The following KRTAP10-8 variants were observed in gnomAD, a reference collection of about 807,000 sequenced individuals.
KRTAP10-8 encodes keratin associated protein 10-8, also known as keratin-associated protein 10-8.
For synonymous variants in KRTAP10-8, 153 were observed against 139.5 expected, an observed-to-expected ratio of 1.10 and a Z score of -0.68; for missense variants, 323 against 329.3, an observed-to-expected ratio of 0.98 and a Z score of 0.15.
chr21:44,612,185 C>T, the KRTAP10-8 span: 58 of 1,613,890 alleles, frequency 3.6e-5, no homozygotes, highest in African/African-American at 4.8e-4. This position sits in a 1 kb window ranked among gnomAD's most constrained non-coding sequence, Gnocchi z 4.1. Flanking sequence ...CCATGTCAGC[C>T]GAGTCTCCTC....
In KRTAP10-8 at chr21:44,612,613, CAAGCCCATCTGCTGT is replaced by C. The variant is rs1981780567; in HGVS notation, c.514_528del (p.Lys172_Cys176del). ...AGGCCTGCTGTGTGCCCATCTGCTG[CAAGCCCATCTGCTGT>C]GTGCCTGTCTGCTCTGGGGCTTCCT... is the stretch of plus-strand genomic sequence containing the variant. On this transcript the variant is annotated inframe_deletion, in exon 1 of 1. Coordinates refer to ENST00000334662, the MANE Select transcript of KRTAP10-8 (RefSeq NM_198695.2). The surrounding 1 kb of genome is among the most constrained non-coding windows in gnomAD (Gnocchi z 4.1). 3 of 1,614,106 alleles carry C rather than the reference CAAGCCCATCTGCTGT, an allele frequency of 1.9e-6. No individual in the cohort carries two copies. Among genetic ancestry groups the C allele is most frequent in the Non-Finnish European group, 2.5e-6 (3 of 1,179,994 alleles).
chr21:44,612,195 C>T lies in KRTAP10-8; in HGVS notation c.95C>T (p.Ser32Phe). The T allele has an allele frequency of 5.0e-6, 8 of 1,613,586 alleles. No individual in the cohort carries two copies. Among genetic ancestry groups the T allele is most frequent in the Non-Finnish European group, 6.8e-6 (8 of 1,179,708 alleles). The change falls in exon 1 of 1, where the codon TCC becomes TTC. Residue 32 changes from serine (S) to phenylalanine (F), a missense_variant. Transcript: ENST00000334662. This position sits in a 1 kb window ranked among gnomAD's most constrained non-coding sequence, Gnocchi z 4.1. ...GTGGGCCATGTCAGCCGAGTCTCCTCCCCCAGCACCTGCACTGGCTCCTCC... is the reference window on the plus strand; with the variant it reads ...GTGGGCCATGTCAGCCGAGTCTCCTTCCCCAGCACCTGCACTGGCTCCTCC... ...SDVGHVSRVS[S>F]PSTCTGSSWQ...
the KRTAP10-8 span, chr21:44,612,554 C>T: frequency 6.2e-7 from 1 of 1,613,926 alleles, no homozygotes; most frequent in African/African-American, 1.3e-5. The surrounding 1 kb of genome is among the most constrained non-coding windows in gnomAD (Gnocchi z 4.1). Flanking sequence ...GTCTAGCTGC[C>T]AGTCAGCTTG....
Position 44,612,932 on chromosome 21 carries a change from C to G in KRTAP10-8, c.*52C>G. ...CTGCTGATGGGCACGTCCCCCAGGG[C>G]CAGCCGGCTCCGGTCCTGTCCTGGG... is the stretch of plus-strand genomic sequence containing the variant. On this transcript the variant is annotated 3_prime_UTR_variant, in exon 1 of 1. Coordinates refer to ENST00000334662, the MANE Select transcript of KRTAP10-8 (RefSeq NM_198695.2). The surrounding 1 kb of genome is among the most constrained non-coding windows in gnomAD (Gnocchi z 4.1). 6.3e-7 allele frequency: 1 copy of G among 1,594,870 alleles called. No individual in the cohort carries two copies. The highest frequency in any genetic ancestry group is 8.5e-7 in the Non-Finnish European group (1 of 1,173,290).
chr21:44,612,472 C>T lies in KRTAP10-8; in HGVS notation c.372C>T (p.Cys124=), dbSNP rs782188086. Residue 124 remains cysteine, a synonymous_variant, in exon 1 of 1, where the codon TGC becomes TGT. Transcript: ENST00000334662. This position sits in a 1 kb window ranked among gnomAD's most constrained non-coding sequence, Gnocchi z 4.1. The part of the protein sequence containing the change: ...CQQACCVPVC[C]KSNCCKPVCC... ...AGGCCTGCTGTGTGCCTGTGTGCTG[C>T]AAGTCCAACTGCTGCAAGCCCGTGT... 1.2e-6 allele frequency: 2 copies of T among 1,610,122 alleles called. No homozygotes were observed. The highest frequency in any genetic ancestry group is 8.5e-7 in the Non-Finnish European group (1 of 1,177,120).
At chr21:44,612,305 G>GC in the KRTAP10-8 span, 1 of 1,613,378 alleles carries the variant, frequency 6.2e-7, no homozygotes, top group Non-Finnish European at 8.5e-7. This position sits in a 1 kb window ranked among gnomAD's most constrained non-coding sequence, Gnocchi z 4.1. Context: ...CTGTGCCCCA[G>GC]CCCCCTGCCT....
In KRTAP10-8 at chr21:44,612,493, C is replaced by T. The variant is rs587687321; in HGVS notation, c.393C>T (p.Pro131=). ...PVCCKSNCCK[P]VCCVSICSGA... ...GCTGCAAGTCCAACTGCTGCAAGCCCGTGTGCTGCGTGTCCATCTGCTCTG... is the reference window on the plus strand; with the variant it reads ...GCTGCAAGTCCAACTGCTGCAAGCCTGTGTGCTGCGTGTCCATCTGCTCTG... Residue 131 remains proline (P), a synonymous_variant, in exon 1 of 1, where the codon CCC becomes CCT. Coordinates refer to ENST00000334662, the MANE Select transcript of KRTAP10-8 (RefSeq NM_198695.2). The surrounding 1 kb of genome is among the most constrained non-coding windows in gnomAD (Gnocchi z 4.1). 75 of 1,609,460 alleles carry T rather than the reference C, an allele frequency of 4.7e-5. No individual in the cohort carries two copies. Among genetic ancestry groups the T allele is most frequent in the African/African-American group, 2.6e-4 (19 of 74,394 alleles).
Position 44,612,312 on chromosome 21 carries a change from G to C in KRTAP10-8, c.212G>C (p.Cys71Ser), listed in dbSNP as rs1555931251. Residue 71 changes from cysteine (C) to serine (S), a missense_variant, in exon 1 of 1, where the codon TGC becomes TCC. Cys to Ser is a moderately radical substitution (Grantham distance 112). Transcript: ENST00000334662. This position sits in a 1 kb window ranked among gnomAD's most constrained non-coding sequence, Gnocchi z 4.1. ...CTPSCCAPAP[C>S]LALVCAPVSC... The stretch of plus-strand genomic sequence containing the variant: ...CCTAGCTGCTGTGCCCCAGCCCCCT[G>C]CCTGGCCCTGGTCTGTGCCCCAGTG... 1.2e-6 allele frequency: 2 copies of C among 1,613,614 alleles called. No homozygotes were observed. Among genetic ancestry groups the C allele is most frequent in the Admixed American group, 3.3e-5 (2 of 60,020 alleles).
In KRTAP10-8 at chr21:44,612,420, C is replaced by A; in HGVS notation, c.320C>A (p.Ala107Asp). 3 of 1,614,162 alleles carry A rather than the reference C, an allele frequency of 1.9e-6. No homozygotes were observed. The highest frequency in any genetic ancestry group is 1.7e-5 in the Admixed American group (1 of 60,024). Residue 107 changes from alanine (A) to aspartate (D), a missense_variant, in exon 1 of 1, where the codon GCT becomes GAT. Coordinates refer to ENST00000334662, the MANE Select transcript of KRTAP10-8 (RefSeq NM_198695.2). This position sits in a 1 kb window ranked among gnomAD's most constrained non-coding sequence, Gnocchi z 4.1. ...TGCCAGCAGTCTAGCTGCCAGCCGG[C>A]TTGCTGCACCTCCTCCCCCTGCCAA... The part of the protein sequence containing the change: ...SCCQQSSCQP[A>D]CCTSSPCQQA...
rs782637094 is a variant in KRTAP10-8, at chr21:44,612,882, G to A, written c.*2G>A. On this transcript the variant is annotated 3_prime_UTR_variant, in exon 1 of 1. Coordinates refer to ENST00000334662, the MANE Select transcript of KRTAP10-8 (RefSeq NM_198695.2). The surrounding 1 kb of genome is among the most constrained non-coding windows in gnomAD (Gnocchi z 4.1). ...GCGTGCTCCCGCCTGGCCTGCTGAGGCCTCTGCTCAGGCCAGGAGTCCAGC... is the reference window on the plus strand; with the variant it reads ...GCGTGCTCCCGCCTGGCCTGCTGAGACCTCTGCTCAGGCCAGGAGTCCAGC... The A allele has an allele frequency of 6.2e-7, 1 of 1,610,760 alleles. No individual in the cohort carries two copies. Among genetic ancestry groups the A allele is most frequent in the African/African-American group, 1.3e-5 (1 of 74,878 alleles).
At position 44,612,155 on chromosome 21, in the gene KRTAP10-8, G is replaced by T; in HGVS notation, c.55G>T (p.Val19Phe). 1.9e-6 allele frequency: 3 copies of T among 1,614,066 alleles called. No individual in the cohort carries two copies. In the South Asian group the frequency reaches 3.3e-5, roughly 18 times the overall value. The change falls in exon 1 of 1, where the codon GTC becomes TTC. Residue 19 changes from valine to phenylalanine, a missense_variant. Coordinates refer to ENST00000334662, the MANE Select transcript of KRTAP10-8 (RefSeq NM_198695.2). This position sits in a 1 kb window ranked among gnomAD's most constrained non-coding sequence, Gnocchi z 4.1. The stretch of plus-strand genomic sequence containing the variant: ...TGTGATTGCTGCATCCACCATGTCT[G>T]TCTGCTCCAGTGACGTGGGCCATGT... Reference protein sequence around the residue: ...TYVIAASTMSVCSSDVGHVSR... With the variant: ...TYVIAASTMSFCSSDVGHVSR...
rs1555931427 is a variant in KRTAP10-8 at position 44,612,544 on chromosome 21, G to A, written c.444G>A (p.Gln148=). The change falls in exon 1 of 1, where the codon CAG becomes CAA. Residue 148 remains glutamine (Q), a synonymous_variant. Coordinates refer to ENST00000334662, the MANE Select transcript of KRTAP10-8 (RefSeq NM_198695.2). This position sits in a 1 kb window ranked among gnomAD's most constrained non-coding sequence, Gnocchi z 4.1. ...GAGCTTCCTCCCCATGCTGCCAGCA[G>A]TCTAGCTGCCAGTCAGCTTGCTGCA... The part of the protein sequence containing the change: ...CSGASSPCCQ[Q]SSCQSACCTF... 4 of 1,613,620 alleles carry A rather than the reference G, an allele frequency of 2.5e-6. No individual in the cohort carries two copies. Among genetic ancestry groups the A allele is most frequent in the East Asian group, 2.2e-5 (1 of 44,876 alleles).
At position 44,612,223 on chromosome 21, in the gene KRTAP10-8, G is replaced by C; in HGVS notation, c.123G>C (p.Trp41Cys). The C allele has an allele frequency of 6.2e-7, 1 of 1,613,826 alleles. No homozygotes were observed. The highest frequency in any genetic ancestry group is 8.5e-7 in the Non-Finnish European group (1 of 1,179,998). The change falls in exon 1 of 1, where the codon TGG becomes TGC. Residue 41 changes from tryptophan (W) to cysteine (C), a missense_variant. Coordinates refer to ENST00000334662, the MANE Select transcript of KRTAP10-8 (RefSeq NM_198695.2). The surrounding 1 kb of genome is among the most constrained non-coding windows in gnomAD (Gnocchi z 4.1). ...SSPSTCTGSS[W>C]QVDNCQESCC... ...CCAGCACCTGCACTGGCTCCTCCTG[G>C]CAGGTGGACAATTGCCAGGAAAGCT...
chr21:44,612,613 C>CA, the KRTAP10-8 span: 1 of 1,614,106 alleles, frequency 6.2e-7, no homozygotes, highest in Non-Finnish European at 8.5e-7. This position sits in a 1 kb window ranked among gnomAD's most constrained non-coding sequence, Gnocchi z 4.1. Context: ...CCATCTGCTG[C>CA]AAGCCCATCT....
In KRTAP10-8 at chr21:44,612,129, A is replaced by G. The variant is rs781902559; in HGVS notation, c.29A>G (p.Tyr10Cys). 2.1e-5 allele frequency: 34 copies of G among 1,613,932 alleles called. No homozygotes were observed. The highest frequency in any genetic ancestry group is 2.9e-5 in the Non-Finnish European group (34 of 1,180,000). The stretch of plus-strand genomic sequence containing the variant: ...GCTGACGCCTGCTGCACCAGGACGT[A>G]TGTGATTGCTGCATCCACCATGTCT... MADACCTRTYVIAASTMSVC... is the reference protein window; with the variant it reads MADACCTRTCVIAASTMSVC... The change falls in exon 1 of 1, where the codon TAT becomes TGT. Residue 10 changes from tyrosine (Y) to cysteine (C), a missense_variant. By Grantham distance (194) the Tyr-to-Cys change is radical (BLOSUM62 -2). Transcript: ENST00000334662. The surrounding 1 kb of genome is among the most constrained non-coding windows in gnomAD (Gnocchi z 4.1).
Position 44,612,294 on chromosome 21 carries a change from G to C in KRTAP10-8, c.194G>C (p.Cys65Ser). 1 of 1,613,520 alleles carries C rather than the reference G, an allele frequency of 6.2e-7. No individual in the cohort carries two copies. The highest frequency in any genetic ancestry group is 8.5e-7 in the Non-Finnish European group (1 of 1,179,992). ...GCCTCCAGCTGCTGTACCCCTAGCT[G>C]CTGTGCCCCAGCCCCCTGCCTGGCC... ...SCASSCCTPS[C>S]CAPAPCLALV... is the part of the protein sequence containing the mutation. The change falls in exon 1 of 1, where the codon TGC becomes TCC. Residue 65 changes from cysteine to serine, a missense_variant. Transcript: ENST00000334662. This position sits in a 1 kb window ranked among gnomAD's most constrained non-coding sequence, Gnocchi z 4.1.
rs587752325 is a variant in KRTAP10-8 at position 44,612,418 on chromosome 21, G to A, written c.318G>A (p.Pro106=). Residue 106 remains proline (P), a synonymous_variant, in exon 1 of 1, where the codon CCG becomes CCA. Transcript: ENST00000334662. This position sits in a 1 kb window ranked among gnomAD's most constrained non-coding sequence, Gnocchi z 4.1. ...PSCCQQSSCQ[P]ACCTSSPCQQ... ...GCTGCCAGCAGTCTAGCTGCCAGCCGGCTTGCTGCACCTCCTCCCCCTGCC... is the reference window on the plus strand; with the variant it reads ...GCTGCCAGCAGTCTAGCTGCCAGCCAGCTTGCTGCACCTCCTCCCCCTGCC... 9.3e-5 allele frequency: 150 copies of A among 1,613,704 alleles called. No homozygotes were observed. In the African/African-American group the frequency reaches 1.5e-3, roughly 16 times the overall value.
rs782217512 is a variant in KRTAP10-8 at position 44,612,634 on chromosome 21, T to C, written c.534T>C (p.Pro178=). 7 of 1,613,486 alleles carry C rather than the reference T, an allele frequency of 4.3e-6. No individual in the cohort carries two copies. Among genetic ancestry groups the C allele is most frequent in the Non-Finnish European group, 5.1e-6 (6 of 1,179,888 alleles). The change falls in exon 1 of 1, where the codon CCT becomes CCC. Residue 178 remains proline, a synonymous_variant. Transcript: ENST00000334662. This position sits in a 1 kb window ranked among gnomAD's most constrained non-coding sequence, Gnocchi z 4.1. ...PICCKPICCV[P]VCSGASSLCC... ...GCTGCAAGCCCATCTGCTGTGTGCC[T>C]GTCTGCTCTGGGGCTTCCTCTCTGT...
the KRTAP10-8 span, chr21:44,612,853 C>CCCCGCGTGCT: frequency 3.2e-5 from 51 of 1,612,386 alleles, no homozygotes; most frequent in Non-Finnish European, 4.2e-5. This position sits in a 1 kb window ranked among gnomAD's most constrained non-coding sequence, Gnocchi z 4.1. Context: ...TCCTCTGCCG[C>CCCCGCGTGCT]CCCGCGTGCT....
Sources: gnomAD v4.1 joint callset for allele counts on GRCh38, gnomAD v4.1.1 for gene constraint, Gnocchi (gnomAD v3.1) non-coding constraint, MANE v1.5 for transcripts, NCBI Gene and HGNC (gene_info 2026-07-23, HGNC 2026-07-21) for gene names.